The following CCDC171 variants were observed in gnomAD, a reference collection of about 807,000 sequenced individuals.
CCDC171 encodes coiled-coil domain-containing protein 171.
In CCDC171, 177 loss-of-function variants were observed where a neutral mutation model predicts 168.2. That is an observed-to-expected ratio of 1.05 (90% confidence interval 0.93 to 1.19). The LOEUF is 1.19. CCDC171 is among the 50% of genes most tolerant of loss of function. CCDC171 has a pLI of 0.00. For missense variants in CCDC171, 1,991 were observed against 1,539.0 expected, an observed-to-expected ratio of 1.29 and a Z score of -4.91; for synonymous variants, 687 against 540.8, an observed-to-expected ratio of 1.27 and a Z score of -3.75.
chr9:15,593,806 T>C (rs2042154923), intron 5 of CCDC171, among the ~76,000 whole-genome samples: 1 of 151,940 alleles, frequency 6.6e-6, no homozygotes, highest in South Asian at 2.1e-4. Context: ...TATATATAGG[T>C]AATAGGTAAA....
chr9:15,835,408 G>C (rs2060400207), intron 21 of CCDC171, among the ~76,000 whole-genome samples: 1 of 152,228 alleles, frequency 6.6e-6, no homozygotes, highest in African/African-American at 2.4e-5. Flanking sequence ...TGAAAGTTGA[G>C]CTTATGAAGA....
intron 10 of CCDC171, among the ~76,000 whole-genome samples, chr9:15,686,178 A>G (rs1300635805): frequency 1.3e-5 from 2 of 152,180 alleles, no homozygotes; most frequent in Admixed American, 1.3e-4. Context: ...GGCTTTCTAT[A>G]GATATATTCC....
At chr9:16,026,735 A>G (rs1388633707) in intron 6 of CCDC171, among the ~76,000 whole-genome samples, 1 of 152,204 alleles carries the variant, frequency 6.6e-6, no homozygotes, top group Non-Finnish European at 1.5e-5. Flanking sequence ...TTAAAACTGG[A>G]GATATAACTA....
At chr9:15,795,030 G>C (rs572420254) in intron 21 of CCDC171, among the ~76,000 whole-genome samples, 5 of 152,194 alleles carry the variant, frequency 3.3e-5, no homozygotes, top group Admixed American at 2.0e-4. Flanking sequence ...TGCATTTTGT[G>C]TTGCTATGAC....
intron 25 of CCDC171, among the ~76,000 whole-genome samples, chr9:15,958,700 G>A (rs572929385): frequency 3.3e-5 from 5 of 152,116 alleles, no homozygotes; most frequent in Non-Finnish European, 7.4e-5. Context: ...CTCCAAGACA[G>A]GAGAAAGCAG....
chr9:15,952,714 C>G (rs1374444327), intron 25 of CCDC171, among the ~76,000 whole-genome samples: 1 of 152,038 alleles, frequency 6.6e-6, no homozygotes, highest in African/African-American at 2.4e-5. Context: ...GCTATTTCTG[C>G]AAAGAATTTC....
chr9:15,783,665 T>C (rs1024162717), intron 20 of CCDC171, among the ~76,000 whole-genome samples: 1 of 152,196 alleles, frequency 6.6e-6, no homozygotes, highest in Non-Finnish European at 1.5e-5. Flanking sequence ...GTTTAAATGT[T>C]TTGAACAGGA....
At chr9:15,863,645 A>T (rs1008495240) in intron 23 of CCDC171, among the ~76,000 whole-genome samples, 1 of 151,794 alleles carries the variant, frequency 6.6e-6, no homozygotes, top group African/African-American at 2.4e-5. Flanking sequence ...TTCCTTGTAC[A>T]TGGTTTTCTA....
intron 25 of CCDC171, chr9:15,921,973 A>G (rs1825387042): frequency 6.0e-6 from 1 of 165,528 alleles, no homozygotes; most frequent in African/African-American, 2.4e-5. Context: ...GTAAGGTGAG[A>G]TTGTTTCTCC....
In CCDC171 at chr9:15,578,907, C is replaced by A. The variant is rs1290034171; in HGVS notation, c.236C>A (p.Ala79Glu). The A allele has an allele frequency of 6.2e-7, 1 of 1,613,772 alleles. No individual in the cohort carries two copies. Among genetic ancestry groups the A allele is most frequent in the Non-Finnish European group, 8.5e-7 (1 of 1,179,810 alleles). ...CGGTCCGAGGTTGAAAAGGGAGAAG[C>A]ATTGCGACAAAGTCTGGAATATGAC... ...KLRSEVEKGE[A>E]LRQSLEYDLA... is the part of the protein sequence containing the mutation. Residue 79 changes from alanine (A) to glutamate (E), a missense_variant, in exon 4 of 26, where the codon GCA becomes GAA. Coordinates refer to ENST00000380701, the MANE Select transcript of CCDC171 (RefSeq NM_173550.4).
At chr9:16,075,147 T>C in the CCDC171 span, among the ~76,000 whole-genome samples, 2 of 152,186 alleles carry the variant, frequency 1.3e-5, no homozygotes, top group Non-Finnish European at 2.9e-5. Context: ...ACTCCTACTA[T>C]CCAGATATTG....
chr9:15,978,085 C>T (rs1228301672), downstream of CCDC171, among the ~76,000 whole-genome samples: 3 of 152,124 alleles, frequency 2.0e-5, no homozygotes, highest in African/African-American at 4.8e-5. Context: ...AGCTTTGGAA[C>T]GTAGACACTC....
chr9:15,627,137 G>A (rs566071562), intron 7 of CCDC171, among the ~76,000 whole-genome samples: 1 of 152,148 alleles, frequency 6.6e-6, no homozygotes, highest in Non-Finnish European at 1.5e-5. Flanking sequence ...ATGGTAGTTT[G>A]TATTTCCGTG....
intron 3 of CCDC171, among the ~76,000 whole-genome samples, chr9:16,013,027 G>A (rs1226708003): frequency 6.6e-6 from 1 of 152,050 alleles, no homozygotes; most frequent in Non-Finnish European, 1.5e-5. Flanking sequence ...ACACAGTCTG[G>A]GGAACACCTT....
At chr9:15,910,794 G>A (rs1234868846) in intron 24 of CCDC171, among the ~76,000 whole-genome samples, 1 of 152,120 alleles carries the variant, frequency 6.6e-6, no homozygotes, top group East Asian at 1.9e-4. Flanking sequence ...AGAAAGTGGG[G>A]TGTTTGGTTT....
intron 6 of CCDC171, among the ~76,000 whole-genome samples, chr9:15,612,578 A>G (rs1281023615): frequency 6.6e-6 from 1 of 152,124 alleles, no homozygotes; most frequent in Non-Finnish European, 1.5e-5. Flanking sequence ...AAATGTTTTT[A>G]GTATTAAAAG....
At chr9:15,590,592 T>TA (rs921567553) in intron 4 of CCDC171, among the ~76,000 whole-genome samples, 89 of 152,296 alleles carry the variant, frequency 5.8e-4, no homozygotes, top group African/African-American at 2.0e-3. Context: ...AGTAAATAGT[T>TA]ACAGTTCTAA....
chr9:15,910,144 C>T (rs1325101115), intron 24 of CCDC171, among the ~76,000 whole-genome samples: 1 of 149,186 alleles, frequency 6.7e-6, no homozygotes. Flanking sequence ...TTTTTTAATG[C>T]CTGTGTTGTA....
At chr9:15,968,043 T>G (rs546030996) in intron 25 of CCDC171, among the ~76,000 whole-genome samples, 8 of 152,334 alleles carry the variant, frequency 5.3e-5, no homozygotes, top group Admixed American at 5.2e-4. Context: ...TGTGTCCAAT[T>G]ACTGTATTTC....
Sources: allele counts gnomAD v4.1 joint callset (sites outside exome capture counted in the v4.1 genomes callset), GRCh38; gene constraint gnomAD v4.1.1; transcripts MANE v1.5; gene names NCBI Gene and HGNC (gene_info 2026-07-23, HGNC 2026-07-21).